The following PZP variants were observed in gnomAD, a reference collection of about 807,000 sequenced individuals.
PZP encodes the protein PZP alpha-2-macroglobulin like.
A neutral mutation model predicts 179.8 loss-of-function variants in PZP; 150 were observed. The ratio of observed to expected loss-of-function variants is 0.83; its 90% CI spans 0.73 to 0.96. The LOEUF (loss-of-function observed/expected upper bound fraction) is 0.96, where lower values mean the gene tolerates loss of function less well. Among genes scored for constraint, PZP ranks in the 40% least tolerant of loss-of-function variants. The pLI is 0.00. For synonymous variants in PZP, 624 were observed against 652.3 expected, an observed-to-expected ratio of 0.96 and a Z score of 0.66; for missense variants, 1,689 against 1,764.0, an observed-to-expected ratio of 0.96 and a Z score of 0.76.
chr12:9,157,924 A>T, intron 26 of PZP, 83 bp from the exon 27 acceptor site: 3 of 1,119,724 alleles, frequency 2.7e-6, no homozygotes, highest in South Asian at 1.3e-5. Flanking sequence ...AACGCTCCTC[A>T]GTATCTGTTT....
chr12:9,189,647 T>G (rs1370152457), intron 13 of PZP, among the ~76,000 whole-genome samples: 1 of 152,202 alleles, frequency 6.6e-6, no homozygotes, highest in African/African-American at 2.4e-5. Context: ...AAATGGGATC[T>G]AATTAACCTA....
chr12:9,138,387 G>A, the PZP span, among the ~76,000 whole-genome samples: 2 of 151,794 alleles, frequency 1.3e-5, no homozygotes, highest in Admixed American at 6.6e-5. Flanking sequence ...TCCCTTTAAT[G>A]TGCTGTTGGA....
the PZP span, among the ~76,000 whole-genome samples, chr12:9,137,735 T>C: frequency 1.3e-5 from 2 of 152,104 alleles, no homozygotes; most frequent in Non-Finnish European, 2.9e-5. Flanking sequence ...GTCTTTCACT[T>C]CCTTGGAAAA....
At chr12:9,180,384 A>G (rs1487292622) in intron 15 of PZP, among the ~76,000 whole-genome samples, 2 of 152,210 alleles carry the variant, frequency 1.3e-5, no homozygotes, top group Admixed American at 1.3e-4. Context: ...GCATCACACT[A>G]CCTGACTTCA....
chr12:9,180,340 A>G (rs1458018713), intron 15 of PZP, among the ~76,000 whole-genome samples: 3 of 152,172 alleles, frequency 2.0e-5, no homozygotes, highest in African/African-American at 7.2e-5. Context: ...CCGCATCGCC[A>G]AGGCAATCCT....
Position 9,192,576 on chromosome 12 carries a change from G to T in PZP, c.1418C>A (p.Thr473Lys). ...CTGTCTATTCAGTGTATAGTGTGCCGTGATAGTCTCCGTGTGGCCACAGGG... is the reference window on the plus strand; with the variant it reads ...CTGTCTATTCAGTGTATAGTGTGCCTTGATAGTCTCCGTGTGGCCACAGGG... ...TLPCGHTETI[T>K]AHYTLNRQAM... Residue 473 changes from threonine (T) to lysine (K), a missense_variant, in exon 12 of 36, where the codon ACG (threonine) becomes AAG (lysine). Physicochemically the swap from Thr to Lys is moderately conservative, Grantham distance 78 (BLOSUM62 -1). This residue lies in a region of PZP where 742 missense variants were observed against 730.5 expected (regional missense o/e 1.02). Coordinates refer to ENST00000261336, the MANE Select transcript of PZP (RefSeq NM_002864.3). The T allele has an allele frequency of 6.2e-7, 1 of 1,614,200 alleles. No homozygotes were observed. Among genetic ancestry groups the T allele is most frequent in the Non-Finnish European group, 8.5e-7 (1 of 1,180,034 alleles).
At chr12:9,193,506 T>C (rs7298117) in intron 11 of PZP, among the ~76,000 whole-genome samples, 131,841 of 152,080 alleles carry the variant, frequency 0.87, 57,844 homozygotes, top group East Asian at 0.98. Context: ...CTAGGGAGAG[T>C]GAGTGTCTAT....
chr12:9,154,805 G>A lies in PZP; in HGVS notation c.3585C>T (p.Pro1195=). 6.2e-7 allele frequency: 1 copy of A among 1,614,150 alleles called. No individual in the cohort carries two copies. Among genetic ancestry groups the A allele is most frequent in the Non-Finnish European group, 8.5e-7 (1 of 1,180,020 alleles). ...GGTAAAGATGCCCCACTGGTGCCTT[G>A]GGTCTCTGAGGGCGCTCCCAATGGA... ...NLVHWERPQR[P]KAPVGHLYQT... Residue 1195 remains proline (P), a synonymous_variant, in exon 29 of 36, where the codon CCC becomes CCT. Transcript: ENST00000261336.
rs991967669 is a variant in PZP at position 9,178,522 on chromosome 12, A to C, written c.1839+2461T>G. Among the ~76,000 whole-genome samples the C allele has an allele frequency of 3.3e-5, 5 of 152,200 alleles. No individual in the cohort carries two copies. In the South Asian group the frequency reaches 1.0e-3, roughly 32 times the overall value. ...TGAAAAGGTGAAAGTTCCCCACTTG[A>C]TAAGGAAAGAAAAAATAATGTATGC... is the stretch of plus-strand genomic sequence containing the variant. On this transcript the variant is annotated intron_variant, in intron 15 of 35. Coordinates refer to ENST00000261336, the MANE Select transcript of PZP (RefSeq NM_002864.3).
chr12:9,151,281 A>T (rs1456220636), intron 33 of PZP, among the ~76,000 whole-genome samples: 2 of 152,174 alleles, frequency 1.3e-5, no homozygotes, highest in African/African-American at 4.8e-5. Flanking sequence ...TTGATTTATC[A>T]CTTCAAGTTT....
At position 9,192,641 on chromosome 12, in the gene PZP, A is replaced by G. The variant is rs1336365737; in HGVS notation, c.1353T>C (p.Ser451=). 3.7e-6 allele frequency: 6 copies of G among 1,613,970 alleles called. No homozygotes were observed. In the Middle Eastern group the frequency reaches 4.9e-4, roughly 133 times the overall value. Reference sequence around the variant, plus strand: ...CAGGCTCCAGGTGAATGTAACTTCCACTTAAGGAGAAAACACGATTTGCAG... The same window carrying G: ...CAGGCTCCAGGTGAATGTAACTTCCGCTTAAGGAGAAAACACGATTTGCAG... ...QHTANRVFSL[S]GSYIHLEPVA... Residue 451 remains serine (S), a synonymous_variant, in exon 12 of 36, where the codon AGT becomes AGC. Transcript: ENST00000261336.
intron 10 of PZP, among the ~76,000 whole-genome samples, chr12:9,195,707 G>A (rs1268670578): frequency 6.7e-6 from 1 of 148,904 alleles, no homozygotes; most frequent in Non-Finnish European, 1.5e-5. Context: ...TCCCCCCTTG[G>A]CCTCCCAAAG....
At chr12:9,160,880 A>T (rs1941148735) in intron 23 of PZP, among the ~76,000 whole-genome samples, 153 bp downstream of exon 23, 1 of 151,374 alleles carries the variant, frequency 6.6e-6, no homozygotes, top group Admixed American at 6.6e-5. Flanking sequence ...ACGTCACTGT[A>T]CTCCAGCCTG....
In PZP at chr12:9,196,611, C is replaced by T. The variant is rs777932351; in HGVS notation, c.942G>A (p.Met314Ile). 3.1e-6 allele frequency: 5 copies of T among 1,613,526 alleles called. No homozygotes were observed. In the African/African-American group the frequency reaches 4.0e-5, roughly 13 times the overall value. Residue 314 changes from methionine to isoleucine, a missense_variant, in exon 9 of 36, where the codon ATG (methionine) becomes ATA (isoleucine). Physicochemically the swap from Met to Ile is conservative, Grantham distance 10. Transcript: ENST00000261336. ...MLQITNTGFE[M>I]KLRVEARIRE... Reference sequence around the variant, plus strand: ...TGATCCTGGCTTCCACTCTAAGCTTCATTTCAAAGCCCGTATTTGTAATCT... The same window carrying T: ...TGATCCTGGCTTCCACTCTAAGCTTTATTTCAAAGCCCGTATTTGTAATCT...
At position 9,206,652 on chromosome 12, in the gene PZP, G is replaced by A. The variant is rs534701541; in HGVS notation, c.83+1607C>T. ...GGAGAATGGCTATTGGTTCTCTTTT[G>A]TAGTCTCTCACATTTATCACATCAA... is the stretch of plus-strand genomic sequence containing the variant. On this transcript the variant is annotated intron_variant, in intron 1 of 35. Transcript: ENST00000261336. Among the ~76,000 whole-genome samples, 145 of 152,212 alleles carry A rather than the reference G, an allele frequency of 9.5e-4. 1 individual carries two copies. The highest frequency in any genetic ancestry group is 1.3e-3 in the African/African-American group (53 of 41,540).
At chr12:9,176,334 TA>T (rs1158818122) in intron 15 of PZP, among the ~76,000 whole-genome samples, 1 of 152,130 alleles carries the variant, frequency 6.6e-6, no homozygotes, top group Non-Finnish European at 1.5e-5. Flanking sequence ...TCAAGAAGAA[TA>T]ACTAATGGAT....
intron 20 of PZP, 91 bp from the exon 21 acceptor site, chr12:9,163,880 T>C: frequency 6.9e-7 from 1 of 1,444,008 alleles, no homozygotes. Context: ...TTGTCCAGAA[T>C]AGAAAATAAG....
At chr12:9,195,342 G>T (rs1565661561) in intron 10 of PZP, among the ~76,000 whole-genome samples, 1 of 152,020 alleles carries the variant, frequency 6.6e-6, no homozygotes, top group Non-Finnish European at 1.5e-5. Context: ...AACCAGCTAA[G>T]AAAATACACA....
chr12:9,144,187 C>G (rs202032510), downstream of PZP, among the ~76,000 whole-genome samples: 2 of 150,360 alleles, frequency 1.3e-5, no homozygotes, highest in South Asian at 4.2e-4. Flanking sequence ...GAGAGAGAGA[C>G]AGAGAGAGAC....
Sources: gnomAD v4.1 joint callset for allele counts (sites outside exome capture counted in the v4.1 genomes callset) on GRCh38, gnomAD v4.1.1 for gene constraint, gnomAD v4.1.1 regional missense constraint, MANE v1.5 for transcripts, NCBI Gene and HGNC (gene_info 2026-07-23, HGNC 2026-07-21) for gene names.